The following NFX1 variants were observed in gnomAD, a reference collection of about 807,000 sequenced individuals.
NFX1 encodes transcriptional repressor NF-X1.
A neutral mutation model predicts 137.2 loss-of-function variants in NFX1; 69 were observed. The ratio of observed to expected loss-of-function variants is 0.50; its 90% CI spans 0.41 to 0.61. The LOEUF (loss-of-function observed/expected upper bound fraction) is 0.61. NFX1 is among the 20% of genes least tolerant of loss of function. The pLI, the probability that NFX1 is intolerant of heterozygous loss-of-function variation, is 0.00. For missense variants in NFX1, 1,167 were observed against 1,391.0 expected (o/e 0.84, Z 2.56); for synonymous variants, 495 against 474.1 (o/e 1.04, Z -0.57).
intron 7 of NFX1, among the ~76,000 whole-genome samples, chr9:33,315,010 T>C (rs1402570529): frequency 6.6e-6 from 1 of 152,216 alleles, no homozygotes; most frequent in Admixed American, 6.5e-5. Flanking sequence ...ATGTTTTTGA[T>C]GTTTTCAGTT....
chr9:33,331,369 C>A (rs1259207959), intron 10 of NFX1, among the ~76,000 whole-genome samples: 1 of 152,144 alleles, frequency 6.6e-6, no homozygotes, highest in East Asian at 1.9e-4. Flanking sequence ...TAAATGTATG[C>A]TGTGTCTATG....
intron 5 of NFX1, 119 bp from the exon 6 acceptor site, chr9:33,310,987 A>ATCTACT: frequency 3.7e-6 from 3 of 819,030 alleles, no homozygotes; most frequent in Non-Finnish European, 6.0e-6. Flanking sequence ...AAACAAATAC[A>ATCTACT]AAGACATGTC....
intron 1 of NFX1, among the ~76,000 whole-genome samples, chr9:33,292,448 C>T (rs753673717): frequency 6.6e-6 from 1 of 152,190 alleles, no homozygotes; most frequent in Non-Finnish European, 1.5e-5. Context: ...CTGCCTTTCC[C>T]ACCTGTTGGA....
At chr9:33,362,152 G>A (rs924077370) in intron 19 of NFX1, among the ~76,000 whole-genome samples, 7 of 151,632 alleles carry the variant, frequency 4.6e-5, no homozygotes, top group Non-Finnish European at 7.4e-5. Context: ...TAGAAAAAAG[G>A]GAACACTTAC....
intron 21 of NFX1, among the ~76,000 whole-genome samples, 171 bp from the exon 22 acceptor site, chr9:33,366,458 C>T (rs1172019387): frequency 6.6e-6 from 1 of 152,114 alleles, no homozygotes; most frequent in South Asian, 2.1e-4. Flanking sequence ...CATCAGTGCC[C>T]ATCTTCCCAA....
chr9:33,318,243 A>G (rs1822248722), intron 7 of NFX1, among the ~76,000 whole-genome samples: 1 of 152,138 alleles, frequency 6.6e-6, no homozygotes, highest in South Asian at 2.1e-4. Flanking sequence ...AAAACCTGAC[A>G]TAAAGTATGA....
chr9:33,358,316 G>A (rs1248082333), intron 19 of NFX1, among the ~76,000 whole-genome samples: 4 of 151,952 alleles, frequency 2.6e-5, no homozygotes, highest in African/African-American at 4.8e-5. Context: ...AGTAGAGATG[G>A]TGTTTCACCA....
chr9:33,330,358 A>G (rs184258546), intron 10 of NFX1, among the ~76,000 whole-genome samples: 84 of 152,354 alleles, frequency 5.5e-4, no homozygotes, highest in African/African-American at 2.0e-3. Context: ...AGCTAGTTTA[A>G]TAGGAAAACT....
chr9:33,309,858 G>A (rs1821901322), intron 5 of NFX1, among the ~76,000 whole-genome samples: 1 of 152,134 alleles, frequency 6.6e-6, no homozygotes, highest in Non-Finnish European at 1.5e-5. Context: ...GTGGACCTCT[G>A]GTCTAAAAGT....
rs561244559 is a variant in NFX1, at chr9:33,318,752, C to T, written c.1610C>T (p.Ser537Phe). Residue 537 changes from serine to phenylalanine, a missense_variant, in exon 8 of 24, where the codon TCC (serine) becomes TTC (phenylalanine). By Grantham distance (155) the Ser-to-Phe change is radical. Around this residue, in one of 3 missense-constraint regions of NFX1, gnomAD observed 488 missense variants for 691.5 expected, o/e 0.71. Transcript: ENST00000379540. ...CAAGTATGCTATTGCGGCAGCACCTCCCGAGATGTGTTATGTGGAACCGAT... is the reference window on the plus strand; with the variant it reads ...CAAGTATGCTATTGCGGCAGCACCTTCCGAGATGTGTTATGTGGAACCGAT... ...LNQVCYCGST[S>F]RDVLCGTDVG... 107 of 1,614,110 alleles carry T rather than the reference C, an allele frequency of 6.6e-5. 1 individual carries two copies. Among genetic ancestry groups the T allele is most frequent in the South Asian group, 5.2e-4 (47 of 91,070 alleles).
intron 9 of NFX1, among the ~76,000 whole-genome samples, chr9:33,326,131 G>A (rs544571279): frequency 6.6e-6 from 1 of 152,202 alleles, no homozygotes; most frequent in African/African-American, 2.4e-5. Flanking sequence ...ATAAGAGGGG[G>A]GCTAGGCGCA....
At chr9:33,352,599 C>T in intron 16 of NFX1, 47 bp from the exon 17 acceptor site, 1 of 1,504,786 alleles carries the variant, frequency 6.6e-7, no homozygotes, top group East Asian at 2.3e-5. Context: ...GCTTTATTCA[C>T]ATAGTTCCAG....
intron 20 of NFX1, 97 bp from the exon 21 acceptor site, chr9:33,364,610 CA>C: frequency 1.5e-6 from 2 of 1,360,642 alleles, no homozygotes; most frequent in African/African-American, 2.9e-5. Context: ...TTACTGCCAG[CA>C]TTGTCTATTG....
At chr9:33,337,657 A>G (rs934656908) in intron 11 of NFX1, among the ~76,000 whole-genome samples, 1 of 152,174 alleles carries the variant, frequency 6.6e-6, no homozygotes, top group African/African-American at 2.4e-5. Flanking sequence ...TGAGTGCAGG[A>G]ATTCGAGGTT....
intron 8 of NFX1, 26 bp downstream of exon 8, chr9:33,318,856 G>A: frequency 1.9e-6 from 3 of 1,614,006 alleles, no homozygotes; most frequent in Non-Finnish European, 2.5e-6. Flanking sequence ...TTCTTCAGTT[G>A]AACTAAAGCT....
intron 11 of NFX1, among the ~76,000 whole-genome samples, chr9:33,336,517 T>C (rs1042710394): frequency 2.6e-5 from 4 of 152,004 alleles, no homozygotes; most frequent in African/African-American, 9.7e-5. Flanking sequence ...CCGACCATTT[T>C]TGGGGCTTTT....
intron 23 of NFX1, among the ~76,000 whole-genome samples, chr9:33,368,386 G>A (rs1274500441): frequency 6.6e-6 from 1 of 152,194 alleles, no homozygotes; most frequent in African/African-American, 2.4e-5. Context: ...ATGATTTAAA[G>A]AGAAAAGAAA....
chr9:33,352,433 C>A, intron 16 of NFX1: 1 of 660,734 alleles, frequency 1.5e-6, no homozygotes, highest in Non-Finnish European at 2.8e-6. Context: ...AGGTGGTTTC[C>A]AAAAGGGGGC....
Position 33,369,893 on chromosome 9 carries a change from G to C in NFX1, c.3291-13G>C, listed in dbSNP as rs199721362. On this transcript the variant is annotated splice_polypyrimidine_tract_variant and intron_variant, in intron 23 of 23. Coordinates refer to ENST00000379540, the MANE Select transcript of NFX1 (RefSeq NM_002504.6). ...AAGAAGAAAAGACTGATCATTCTTT[G>C]TTTGTTTTTCAGGAATCCTGGGAGC... 3.7e-5 allele frequency: 60 copies of C among 1,607,754 alleles called. 1 individual carries two copies. The Admixed American group carries it at 9.3e-4, about 25-fold the overall frequency.
Sources: gnomAD v4.1 joint callset for allele counts (sites outside exome capture counted in the v4.1 genomes callset) on GRCh38, gnomAD v4.1.1 for gene constraint, gnomAD v4.1.1 regional missense constraint, MANE v1.5 for transcripts, NCBI Gene and HGNC (gene_info 2026-07-23, HGNC 2026-07-21) for gene names.